The following PPEF2 variants were observed in gnomAD, a reference collection of about 807,000 sequenced individuals.
The protein encoded by PPEF2 is protein phosphatase with EF-hand domain 2.
A neutral mutation model predicts 84.7 loss-of-function variants in PPEF2; 84 were observed. The observed-to-expected ratio is 0.99, with a 90% confidence interval of 0.83 to 1.19. PPEF2 has a LOEUF of 1.19. Ranked by LOEUF, PPEF2 falls within the 50% of genes most tolerant of loss-of-function variation. The probability of loss-of-function intolerance (pLI) is 0.00; values close to 1 mark genes in which losing one functional copy is unlikely to be tolerated. For missense variants in PPEF2, 924 were observed against 937.5 expected, an observed-to-expected ratio of 0.99 and a Z score of 0.19; for synonymous variants, 346 against 345.2, an observed-to-expected ratio of 1.00 and a Z score of -0.03.
chr4:75,883,161 C>T lies in PPEF2; in HGVS notation c.783+5G>A, dbSNP rs376053541. 1.5e-5 allele frequency: 24 copies of T among 1,613,578 alleles called. No individual in the cohort carries two copies. The highest frequency in any genetic ancestry group is 6.6e-5 in the South Asian group (6 of 91,082). ...GAGAAACTTTTGTCTTTAAAGGCAG[C>T]GCACCTTGTATTTATTCATCACTTC... On this transcript the variant is annotated splice_donor_5th_base_variant and intron_variant, in intron 9 of 16. Transcript: ENST00000286719.
intron 8 of PPEF2, among the ~76,000 whole-genome samples, chr4:75,884,199 G>A (rs973282757): frequency 6.6e-6 from 1 of 152,020 alleles, no homozygotes; most frequent in Non-Finnish European, 1.5e-5. Context: ...GGAGGCCAAG[G>A]GGGTGCAGAT....
At chr4:75,876,171 T>C in intron 11 of PPEF2, 116 bp downstream of exon 11, 2 of 1,186,702 alleles carry the variant, frequency 1.7e-6, no homozygotes, top group Non-Finnish European at 2.2e-6. Flanking sequence ...TTCTGGGGTG[T>C]TGTTACCCCA....
chr4:75,866,165 C>T lies in PPEF2; in HGVS notation c.1920+24G>A, dbSNP rs190151349. 9.5e-5 allele frequency: 152 copies of T among 1,592,060 alleles called. 1 individual carries two copies. The East Asian group carries it at 2.6e-3, about 28-fold the overall frequency. On this transcript the variant is annotated intron_variant, in intron 15 of 16. Coordinates refer to ENST00000286719, the MANE Select transcript of PPEF2 (RefSeq NM_006239.3). ...GAGTATCATAGTCCACATGTGCTCT[C>T]ATCCACCATTACCACACCGTTACCT...
chr4:75,890,010 G>A lies in PPEF2; in HGVS notation c.364C>T (p.Pro122Ser), dbSNP rs1375612729. Residue 122 changes from proline to serine, a missense_variant, in exon 5 of 17, where the codon CCA becomes TCA. Coordinates refer to ENST00000286719, the MANE Select transcript of PPEF2 (RefSeq NM_006239.3). ...GCAGTTGCATGGTCAGGCAGGAGTG[G>A]GAAGGAGAGGCGTGGCCCCGTGTAA... ...DSYTGPRLSF[P>S]LLPDHATALV... 6.2e-7 allele frequency: 1 copy of A among 1,614,086 alleles called. No individual in the cohort carries two copies. Among genetic ancestry groups the A allele is most frequent in the Admixed American group, 1.7e-5 (1 of 59,998 alleles).
Position 75,890,024 on chromosome 4 carries a change from G to A in PPEF2, c.350C>T (p.Pro117Leu), listed in dbSNP as rs1724836499. ...SIEVPDSYTG[P>L]RLSFPLLPDH... ...AGGCAGGAGTGGGAAGGAGAGGCGT[G>A]GCCCCGTGTAACTGTCGGGTACCTC... The change falls in exon 5 of 17, where the codon CCA becomes CTA. Residue 117 changes from proline to leucine, a missense_variant. Coordinates refer to ENST00000286719, the MANE Select transcript of PPEF2 (RefSeq NM_006239.3). 1 of 1,613,978 alleles carries A rather than the reference G, an allele frequency of 6.2e-7. No individual in the cohort carries two copies. The highest frequency in any genetic ancestry group is 1.7e-5 in the Admixed American group (1 of 59,984).
At chr4:75,885,478 T>G (rs12498639) in intron 7 of PPEF2, among the ~76,000 whole-genome samples, 132,387 of 152,114 alleles carry the variant, frequency 0.87, 59,929 homozygotes, top group East Asian at 0.99. Context: ...ATTTTAAGTT[T>G]GTTAAATAGT....
At chr4:75,874,940 C>T (rs1201036687) in intron 11 of PPEF2, among the ~76,000 whole-genome samples, 2 of 145,376 alleles carry the variant, frequency 1.4e-5, no homozygotes, top group Non-Finnish European at 3.0e-5. Context: ...CTCGCTCTGT[C>T]GCCCAGGATG....
chr4:75,876,108 C>A (rs372961317), intron 11 of PPEF2, among the ~76,000 whole-genome samples, 179 bp downstream of exon 11: 137 of 152,326 alleles, frequency 9.0e-4, no homozygotes, highest in African/African-American at 3.2e-3. Flanking sequence ...CACACATCCC[C>A]ATCTTTTATA....
chr4:75,863,287 C>G (rs1387664557), intron 16 of PPEF2, among the ~76,000 whole-genome samples: 1 of 149,794 alleles, frequency 6.7e-6, no homozygotes, highest in African/African-American at 2.5e-5. Flanking sequence ...GTCAGGAGAT[C>G]GAGACCATCC....
intron 2 of PPEF2, among the ~76,000 whole-genome samples, chr4:75,895,743 AT>A (rs36116517): frequency 8.0e-5 from 12 of 150,044 alleles, no homozygotes; most frequent in Admixed American, 1.3e-4. Flanking sequence ...AAAAAAAAAA[AT>A]TTTTTTTTTG....
At chr4:75,895,452 G>A (rs960916886) in intron 2 of PPEF2, among the ~76,000 whole-genome samples, 1 of 151,004 alleles carries the variant, frequency 6.6e-6, no homozygotes, top group South Asian at 2.1e-4. Context: ...AATTTTTTAG[G>A]TTGGGCACGG....
At chr4:75,873,854 C>G (rs1056092851) in intron 11 of PPEF2, among the ~76,000 whole-genome samples, 3 of 151,706 alleles carry the variant, frequency 2.0e-5, no homozygotes, top group Non-Finnish European at 4.4e-5. Flanking sequence ...CACCTGTAAT[C>G]CCAGTAGTTT....
chr4:75,879,029 C>T (rs1724499476), intron 10 of PPEF2, among the ~76,000 whole-genome samples: 2 of 152,170 alleles, frequency 1.3e-5, no homozygotes, highest in Non-Finnish European at 2.9e-5. Context: ...ACACACATTC[C>T]TCTCCTGGTA....
At chr4:75,873,688 G>T (rs1423419758) in intron 11 of PPEF2, among the ~76,000 whole-genome samples, 1 of 152,154 alleles carries the variant, frequency 6.6e-6, no homozygotes, top group Non-Finnish European at 1.5e-5. Flanking sequence ...TAAAGAGAAG[G>T]CGCAAGTCCT....
chr4:75,896,402 A>C lies in PPEF2; in HGVS notation c.-58-19T>G. 1 of 1,493,298 alleles carries C rather than the reference A, an allele frequency of 6.7e-7. No homozygotes were observed. Among genetic ancestry groups the C allele is most frequent in the Admixed American group, 1.7e-5 (1 of 59,778 alleles). 92.5% of individuals were successfully genotyped at this position (1,493,298 alleles called of 1,614,324 possible). On this transcript the variant is annotated intron_variant, in intron 1 of 16. Coordinates refer to ENST00000286719, the MANE Select transcript of PPEF2 (RefSeq NM_006239.3). ...CTGTTTGCTGACAAAATGAAGAGAGAATCTGTAATAGGAGATGCAGGCAGA... is the reference window on the plus strand; with the variant it reads ...CTGTTTGCTGACAAAATGAAGAGAGCATCTGTAATAGGAGATGCAGGCAGA...
rs952625960 is a variant in PPEF2, at chr4:75,866,216, G to C, written c.1893C>G (p.Asn631Lys). The C allele has an allele frequency of 1.7e-5, 27 of 1,613,592 alleles. No homozygotes were observed. The highest frequency in any genetic ancestry group is 2.2e-5 in the Non-Finnish European group (26 of 1,179,816). The change falls in exon 15 of 17, where the codon AAC becomes AAG. Residue 631 changes from asparagine to lysine, a missense_variant. By Grantham distance (94) the Asn-to-Lys change is moderately conservative (BLOSUM62 0). Transcript: ENST00000286719. The part of the protein sequence containing the change: ...NMLEYKSWLK[N>K]LAKEQLSREN... ...CGCGACTCAGTTGTTCCTTGGCCAA[G>C]TTCTTCAGCCAAGACTTGTACTCCA...
Position 75,876,218 on chromosome 4 carries a change from T to C in PPEF2, c.1320+69A>G. On this transcript the variant is annotated intron_variant, in intron 11 of 16. Transcript: ENST00000286719. ...AGGGGCCTCAAAACATATCCTGAGT[T>C]TCCCTGGAAGGGAGAGTTTTGACCT... The C allele has an allele frequency of 2.7e-6, 4 of 1,505,824 alleles. No individual in the cohort carries two copies. The East Asian group carries it at 9.1e-5, about 34-fold the overall frequency. The allele number at this position is 1,505,824 out of a possible 1,614,324, so 93.3% of individuals were successfully genotyped here.
chr4:75,882,966 A>T lies in PPEF2; in HGVS notation c.893T>A (p.Ile298Lys). Residue 298 changes from isoleucine to lysine, a missense_variant, in exon 10 of 17, where the codon ATA becomes AAA. Physicochemically the swap from Ile to Lys is moderately radical, Grantham distance 102 (BLOSUM62 -3). Transcript: ENST00000286719. ...TTTGTCCAAAAGCTCCAGATCAGTT[A>T]TGTCTGACACCCCACCATGAAGAAT... ...VLILHGGVSDITDLELLDKIE... is the reference protein window; with the variant it reads ...VLILHGGVSDKTDLELLDKIE... 1 of 1,614,166 alleles carries T rather than the reference A, an allele frequency of 6.2e-7. No homozygotes were observed. The highest frequency in any genetic ancestry group is 8.5e-7 in the Non-Finnish European group (1 of 1,180,034).
intron 1 of PPEF2, among the ~76,000 whole-genome samples, chr4:75,897,740 G>A (rs1487797859): frequency 6.6e-6 from 1 of 152,124 alleles, no homozygotes; most frequent in Non-Finnish European, 1.5e-5. Context: ...TGTAACCACT[G>A]CACTCCAGCC....
Sources: allele counts gnomAD v4.1 joint callset (sites outside exome capture counted in the v4.1 genomes callset), GRCh38; gene constraint gnomAD v4.1.1; transcripts MANE v1.5; gene names NCBI Gene and HGNC (gene_info 2026-07-23, HGNC 2026-07-21).